ATP9B: variants seen among roughly 807,000 people sequenced by gnomAD.
ATP9B encodes probable phospholipid-transporting ATPase IIB.
In ATP9B, 110 loss-of-function variants were observed where a neutral mutation model predicts 146.1. The ratio of observed to expected loss-of-function variants is 0.75; its 90% CI spans 0.65 to 0.88. The LOEUF (loss-of-function observed/expected upper bound fraction) is 0.88, where lower values mean the gene tolerates loss of function less well. Ranked by LOEUF, ATP9B falls within the 40% of genes least tolerant of loss-of-function variation. ATP9B has a pLI of 0.00. For synonymous variants in ATP9B, 604 were observed against 569.7 expected (o/e 1.06, Z -0.86); for missense variants, 1,499 against 1,496.4 (o/e 1.00, Z -0.03).
rs2075933880 is a variant in ATP9B, at chr18:79,110,484, T to C, written c.423T>C (p.Asn141=). 1.2e-6 allele frequency: 2 copies of C among 1,611,842 alleles called. No homozygotes were observed. The highest frequency in any genetic ancestry group is 1.7e-5 in the Admixed American group (1 of 59,682). ...PRNSIKNQKY[N]VFTFIPGVLY... Reference sequence around the variant, plus strand: ...ATTCTATAAAAAATCAAAAATACAATGTGTTTACCTTTATACCTGGGGTAA... The same window carrying C: ...ATTCTATAAAAAATCAAAAATACAACGTGTTTACCTTTATACCTGGGGTAA... The change falls in exon 3 of 30, where the codon AAT becomes AAC. Residue 141 remains asparagine (N), a synonymous_variant. Transcript: ENST00000426216.
At chr18:79,329,625 A>G (rs551328196) in intron 16 of ATP9B, among the ~76,000 whole-genome samples, 55 of 152,312 alleles carry the variant, frequency 3.6e-4, no homozygotes, top group African/African-American at 9.9e-4. Context: ...ACTTTTGTAC[A>G]TTGATTTATG....
At chr18:79,247,754 T>C (rs1413756601) in intron 11 of ATP9B, among the ~76,000 whole-genome samples, 2 of 152,180 alleles carry the variant, frequency 1.3e-5, no homozygotes, top group Non-Finnish European at 2.9e-5. Context: ...TTTTCTTATT[T>C]ATACAAAAAA....
chr18:79,146,223 C>T (rs1319860993), intron 6 of ATP9B: 93 of 77,200 alleles, frequency 1.2e-3, no homozygotes, highest in African/African-American at 1.8e-3. Flanking sequence ...GGCTGCATGT[C>T]GGGGGAGCTG....
intron 8 of ATP9B, among the ~76,000 whole-genome samples, chr18:79,191,072 T>G (rs150947544): frequency 6.6e-6 from 1 of 152,258 alleles, no homozygotes; most frequent in Admixed American, 6.5e-5. Context: ...CCTGTATTCT[T>G]AAAGAATATT....
chr18:79,314,003 G>T (rs984182573), intron 15 of ATP9B, among the ~76,000 whole-genome samples: 7 of 152,110 alleles, frequency 4.6e-5, no homozygotes, highest in African/African-American at 1.7e-4. Context: ...CTGCAGTTAG[G>T]TTGACGGATG....
intron 8 of ATP9B, among the ~76,000 whole-genome samples, chr18:79,186,079 C>T (rs1337749770): frequency 6.6e-6 from 1 of 152,272 alleles, no homozygotes; most frequent in East Asian, 1.9e-4. Flanking sequence ...AAATATGTTT[C>T]TGGCTTTTGT....
chr18:79,213,084 TGTTAA>T (rs1021273303), intron 10 of ATP9B, among the ~76,000 whole-genome samples: 2 of 152,188 alleles, frequency 1.3e-5, no homozygotes, highest in African/African-American at 4.8e-5. Flanking sequence ...GCATTTTACA[TGTTAA>T]GTTAATGTGA....
At chr18:79,233,196 G>A (rs1205712281) in intron 11 of ATP9B, among the ~76,000 whole-genome samples, 4 of 152,092 alleles carry the variant, frequency 2.6e-5, no homozygotes, top group Non-Finnish European at 5.9e-5. Context: ...GGAGGCTGAA[G>A]CAGGAGAATC....
intron 29 of ATP9B, among the ~76,000 whole-genome samples, chr18:79,376,731 T>C (rs8089768): frequency 0.26 from 37,213 of 142,816 alleles, 5,468 homozygotes; most frequent in African/African-American, 0.42. Flanking sequence ...AGTCTCACTC[T>C]GTCCCCAGGC....
chr18:79,193,130 G>T (rs1411409015), intron 8 of ATP9B, 53 bp from the exon 9 acceptor site: 21 of 1,312,568 alleles, frequency 1.6e-5, no homozygotes, highest in Non-Finnish European at 2.1e-5. Context: ...AAATTTCCAA[G>T]TAATTTTACT....
intron 12 of ATP9B, among the ~76,000 whole-genome samples, chr18:79,262,595 T>G (rs991806647): frequency 9.2e-5 from 14 of 152,218 alleles, no homozygotes; most frequent in Admixed American, 1.3e-4. Context: ...AACATTTCTA[T>G]GATGAAGCAT....
At chr18:79,200,793 T>TC (rs1568389334) in intron 9 of ATP9B, among the ~76,000 whole-genome samples, 1 of 2,146 alleles carries the variant, frequency 4.7e-4, no homozygotes, top group Admixed American at 4.2e-3. Flanking sequence ...AGTGGTGGAA[T>TC]TGTTTTCATC....
intron 23 of ATP9B, 33 bp downstream of exon 23, chr18:79,345,872 ACAGT>A (rs762764489): frequency 8.7e-6 from 14 of 1,610,612 alleles, no homozygotes; most frequent in Admixed American, 1.7e-5. Flanking sequence ...ACATTAGCAC[ACAGT>A]CAGCACACAT....
At chr18:79,330,606 G>A (rs539491561) in intron 17 of ATP9B, among the ~76,000 whole-genome samples, 1 of 152,084 alleles carries the variant, frequency 6.6e-6, no homozygotes, top group African/African-American at 2.4e-5. Context: ...GTAGAGACAG[G>A]GTTTCACCAT....
chr18:79,374,552 G>T (rs1187450280), intron 28 of ATP9B, among the ~76,000 whole-genome samples: 1 of 152,176 alleles, frequency 6.6e-6, no homozygotes, highest in South Asian at 2.1e-4. Context: ...AGCCCCGTCG[G>T]TCACTGGCTG....
chr18:79,320,332 G>A (rs1029532968), intron 15 of ATP9B, among the ~76,000 whole-genome samples: 2 of 152,136 alleles, frequency 1.3e-5, no homozygotes, highest in African/African-American at 4.8e-5. Flanking sequence ...CAGGGGAAGG[G>A]GAGGGGCACA....
chr18:79,165,726 G>A (rs913452046), intron 7 of ATP9B, among the ~76,000 whole-genome samples: 32 of 152,142 alleles, frequency 2.1e-4, no homozygotes, highest in Non-Finnish European at 3.8e-4. Flanking sequence ...CAGCCAAAAA[G>A]TCAGGGGCTC....
At chr18:79,367,305 C>T (rs2097038257) in intron 26 of ATP9B, among the ~76,000 whole-genome samples, 1 of 135,854 alleles carries the variant, frequency 7.4e-6, no homozygotes, top group Admixed American at 7.1e-5. Context: ...CACATATCTT[C>T]ACCTCCACCG....
intron 1 of ATP9B, among the ~76,000 whole-genome samples, chr18:79,092,546 A>T (rs1206397909): frequency 1.3e-5 from 2 of 151,936 alleles, no homozygotes; most frequent in Non-Finnish European, 2.9e-5. Flanking sequence ...TTAGTTTAAA[A>T]CATGAAGATA....
Sources: gnomAD v4.1 joint callset for allele counts (sites outside exome capture counted in the v4.1 genomes callset) on GRCh38, gnomAD v4.1.1 for gene constraint, MANE v1.5 for transcripts, NCBI Gene and HGNC (gene_info 2026-07-23, HGNC 2026-07-21) for gene names.